The following KRT39 variants were observed in gnomAD, a reference collection of about 807,000 sequenced individuals.
KRT39 encodes keratin 39.
KRT39 carries 47 observed loss-of-function variants against 54.8 expected under a neutral mutation model. The ratio of observed to expected loss-of-function variants is 0.86; its 90% CI spans 0.68 to 1.09. KRT39 has a LOEUF of 1.09. KRT39 is among the 50% of genes least tolerant of loss of function. The pLI, the probability that KRT39 is intolerant of heterozygous loss-of-function variation, is 0.00. For synonymous variants in KRT39, 207 were observed against 227.9 expected (o/e 0.91, Z 0.83); for missense variants, 580 against 598.5 (o/e 0.97, Z 0.32).
At chr17:40,960,549 A>C in intron 5 of KRT39, 48 bp from the exon 6 acceptor site, 1 of 1,413,792 alleles carries the variant, frequency 7.1e-7, no homozygotes, top group East Asian at 2.3e-5. Flanking sequence ...CTTTAAGCCC[A>C]GGTCACCTGT....
Position 40,966,420 on chromosome 17 carries a change from T to C in KRT39, c.437A>G (p.Tyr146Cys). 1 of 1,614,098 alleles carries C rather than the reference T, an allele frequency of 6.2e-7. No individual in the cohort carries two copies. The highest frequency in any genetic ancestry group is 1.1e-5 in the South Asian group (1 of 91,086). ...LPVLCPDYLS[Y>C]YTTIEELQQK... ...CTGGAGCTCCTCAATGGTAGTGTAG[T>C]AAGACAGGTAATCAGGACATAGAAC... Residue 146 changes from tyrosine (Y) to cysteine (C), a missense_variant, in exon 1 of 7, where the codon TAC becomes TGC. By Grantham distance (194) the Tyr-to-Cys change is radical. Coordinates refer to ENST00000355612, the MANE Select transcript of KRT39 (RefSeq NM_213656.4).
intron 5 of KRT39, 144 bp downstream of exon 5, chr17:40,962,018 A>G: frequency 8.5e-7 from 1 of 1,180,468 alleles, no homozygotes; most frequent in South Asian, 1.6e-5. Flanking sequence ...TTATTTGGCC[A>G]CAAAGCTCTT....
intron 1 of KRT39, among the ~76,000 whole-genome samples, chr17:40,966,067 ATGTGTG>A (rs71300040): frequency 1.5e-4 from 22 of 147,414 alleles, no homozygotes; most frequent in Middle Eastern, 3.5e-3. Context: ...TTGTGTGTGT[ATGTGTG>A]TGTGTGTGTG....
At chr17:40,959,814 T>G (rs1911062307) in intron 6 of KRT39, among the ~76,000 whole-genome samples, 1 of 152,208 alleles carries the variant, frequency 6.6e-6, no homozygotes, top group African/African-American at 2.4e-5. Flanking sequence ...TACATGCTTC[T>G]GTTGGCCTCA....
At chr17:40,963,883 T>C in intron 2 of KRT39, 100 bp from the exon 3 acceptor site, 1 of 821,452 alleles carries the variant, frequency 1.2e-6, no homozygotes, top group Non-Finnish European at 1.9e-6. Context: ...GCACCTCACT[T>C]AGTGTATTTC....
Position 40,958,624 on chromosome 17 carries a change from T to C in KRT39, c.1453A>G (p.Ile485Val). 6.2e-7 allele frequency: 1 copy of C among 1,611,310 alleles called. No homozygotes were observed. The highest frequency in any genetic ancestry group is 8.5e-7 in the Non-Finnish European group (1 of 1,178,632). ...TGTTAGACTTTGGCAGGTCTGATGA[T>C]GAAACAAGGCTGCACATGCTCGTAA... ...SSYEHVQPCF[I>V]IRPAKV Residue 485 changes from isoleucine to valine, a missense_variant, in exon 7 of 7, where the codon ATC becomes GTC. Physicochemically the swap from Ile to Val is conservative, Grantham distance 29. Transcript: ENST00000355612.
chr17:40,958,469 C>G lies in KRT39; in HGVS notation c.*132G>C, dbSNP rs1411216726. On this transcript the variant is annotated 3_prime_UTR_variant, in exon 7 of 7. Coordinates refer to ENST00000355612, the MANE Select transcript of KRT39 (RefSeq NM_213656.4). ...GCAGAATAAAAGATATTCTACCTAGCAATGGGGACCCGCTGTAGTAGTAAG... is the reference window on the plus strand; with the variant it reads ...GCAGAATAAAAGATATTCTACCTAGGAATGGGGACCCGCTGTAGTAGTAAG... 10 of 899,828 alleles carry G rather than the reference C, an allele frequency of 1.1e-5. No individual in the cohort carries two copies. The highest frequency in any genetic ancestry group is 1.7e-6 in the Non-Finnish European group (1 of 595,320). The allele number at this position is 899,828 out of a possible 1,614,324, so 55.7% of individuals were successfully genotyped here. A position where few individuals can be genotyped will look rare whatever the true frequency, so the allele number is the denominator to read the frequency against.
Position 40,962,287 on chromosome 17 carries a change from T to C in KRT39, c.871A>G (p.Ile291Val). ...KDVEQWFNTQ[I>V]EELNQQVVTS... is the part of the protein sequence containing the mutation. ...ACCACTTGTTGATTCAGCTCCTCTA[T>C]CTGAAACACACAGCCAGAGACTGAG... The change falls in exon 5 of 7, where the codon ATA becomes GTA. Residue 291 changes from isoleucine to valine, a missense_variant and splice_region_variant. By Grantham distance (29) the Ile-to-Val change is conservative. Coordinates refer to ENST00000355612, the MANE Select transcript of KRT39 (RefSeq NM_213656.4). 6.2e-7 allele frequency: 1 copy of C among 1,614,182 alleles called. No individual in the cohort carries two copies. Among genetic ancestry groups the C allele is most frequent in the Non-Finnish European group, 8.5e-7 (1 of 1,180,018 alleles).
chr17:40,960,187 A>C (rs897889276), intron 6 of KRT39, 94 bp downstream of exon 6: 24 of 1,113,522 alleles, frequency 2.2e-5, no homozygotes, highest in Non-Finnish European at 3.0e-5. Flanking sequence ...CAAGAAGGTC[A>C]AACAAAGCAC....
At chr17:40,962,311 A>G in intron 4 of KRT39, 24 bp from the exon 5 acceptor site, 1 of 1,613,496 alleles carries the variant, frequency 6.2e-7, no homozygotes, top group South Asian at 1.1e-5. Flanking sequence ...CCAGAGACTG[A>G]GAATATTATG....
At position 40,962,475 on chromosome 17, in the gene KRT39, T is replaced by A. The variant is rs1337779238; in HGVS notation, c.797A>T (p.Gln266Leu). The change falls in exon 4 of 7, where the codon CAA becomes CTA. Residue 266 changes from glutamine (Q) to leucine (L), a missense_variant. Transcript: ENST00000355612. ...APSADLNQVLQEMRCQYEPIM... is the reference protein window; with the variant it reads ...APSADLNQVLLEMRCQYEPIM... ...GGGCTCATATTGACATCTCATTTCT[T>A]GTAGAACCTGGTTTAGGTCAGCAGA... is the stretch of plus-strand genomic sequence containing the variant. 3 of 1,614,114 alleles carry A rather than the reference T, an allele frequency of 1.9e-6. No homozygotes were observed. The African/African-American group carries it at 4.0e-5, about 22-fold the overall frequency.
rs1325205051 is a variant in KRT39, at chr17:40,960,605, TA to T, written c.997-105del. 3.9e-6 allele frequency: 3 copies of T among 763,396 alleles called. No individual in the cohort carries two copies. In the African/African-American group the frequency reaches 5.2e-5, roughly 13 times the overall value. The allele number at this position is 763,396 out of a possible 1,614,324, so 47.3% of individuals were successfully genotyped here. On this transcript the variant is annotated intron_variant, in intron 5 of 6. Transcript: ENST00000355612. ...AATGGTTTCTTTGTGACACTACTGA[TA>T]GATCTCCAAGCACTTTATTTATTGT...
chr17:40,963,553 CA>C (rs1451261628), intron 3 of KRT39, 73 bp downstream of exon 3: 11 of 1,391,254 alleles, frequency 7.9e-6, no homozygotes, highest in Middle Eastern at 1.9e-4. Flanking sequence ...CACCCTTTGT[CA>C]GGTGCAACTC....
chr17:40,958,426 TG>T lies in KRT39; in HGVS notation c.*174del. On this transcript the variant is annotated 3_prime_UTR_variant, in exon 7 of 7. Transcript: ENST00000355612. ...ATGTAATTTATTATCATGTTAGCAGTGGTGAGTTAGGGAAGGAGCAGAATAA... is the reference window on the plus strand; with the variant it reads ...ATGTAATTTATTATCATGTTAGCAGTGTGAGTTAGGGAAGGAGCAGAATAA... 1.8e-6 allele frequency: 1 copy of T among 570,058 alleles called. No homozygotes were observed. Among genetic ancestry groups the T allele is most frequent in the South Asian group, 3.2e-5 (1 of 31,104 alleles). 35.3% of individuals were successfully genotyped at this position (570,058 alleles called of 1,614,324 possible).
At position 40,960,518 on chromosome 17, in the gene KRT39, T is replaced by C; in HGVS notation, c.997-17A>G. ...GGAATCTCTCTACCATGGAGAAGGATAGTAGGATTTATAATGACTCCTTTA... is the reference window on the plus strand; with the variant it reads ...GGAATCTCTCTACCATGGAGAAGGACAGTAGGATTTATAATGACTCCTTTA... On this transcript the variant is annotated splice_polypyrimidine_tract_variant and intron_variant, in intron 5 of 6. Transcript: ENST00000355612. 3 of 1,591,960 alleles carry C rather than the reference T, an allele frequency of 1.9e-6. No individual in the cohort carries two copies. The highest frequency in any genetic ancestry group is 2.6e-6 in the Non-Finnish European group (3 of 1,159,978).
chr17:40,966,529 A>G lies in KRT39; in HGVS notation c.328T>C (p.Tyr110His). Residue 110 changes from tyrosine (Y) to histidine (H), a missense_variant, in exon 1 of 7, where the codon TAC becomes CAC. By Grantham distance (83) the Tyr-to-His change is moderately conservative. Coordinates refer to ENST00000355612, the MANE Select transcript of KRT39 (RefSeq NM_213656.4). ...TCTAGCATTCGCACCTTTTGCAGGT[A>G]GTTAGCAAGGCGCTCGTTCAAGATT... ...MQILNERLANYLQKVRMLERE... is the reference protein window; with the variant it reads ...MQILNERLANHLQKVRMLERE... The G allele has an allele frequency of 6.2e-7, 1 of 1,614,216 alleles. No individual in the cohort carries two copies. The highest frequency in any genetic ancestry group is 1.6e-4 in the Middle Eastern group (1 of 6,062).
At chr17:40,960,605 T>C (rs2143612202) in intron 5 of KRT39, 104 bp from the exon 6 acceptor site, 2 of 763,514 alleles carry the variant, frequency 2.6e-6, no homozygotes, top group Middle Eastern at 3.1e-4. Flanking sequence ...ACACTACTGA[T>C]AGATCTCCAA....
intron 1 of KRT39, among the ~76,000 whole-genome samples, chr17:40,965,233 G>C (rs1350890196): frequency 6.6e-6 from 1 of 151,382 alleles, no homozygotes; most frequent in Non-Finnish European, 1.5e-5. Flanking sequence ...AAAATTATCT[G>C]GGTGTGGTGG....
chr17:40,962,335 A>G (rs1165261682), intron 4 of KRT39, 48 bp from the exon 5 acceptor site: 2 of 1,612,114 alleles, frequency 1.2e-6, no homozygotes, highest in Admixed American at 1.7e-5. Flanking sequence ...GGAAAACATG[A>G]CTTTGATTAA....
Sources: gnomAD v4.1 joint callset for allele counts (sites outside exome capture counted in the v4.1 genomes callset) on GRCh38, gnomAD v4.1.1 for gene constraint, MANE v1.5 for transcripts, NCBI Gene and HGNC (gene_info 2026-07-23, HGNC 2026-07-21) for gene names.